The following SEC14L6 variants were observed in gnomAD, a reference collection of about 807,000 sequenced individuals.
SEC14L6 encodes the protein SEC14 like lipid binding 6, also known as SEC14-like protein 6.
Under a neutral mutation model 54.1 loss-of-function variants are expected in SEC14L6, and 40 were observed. The observed-to-expected ratio is 0.74, with a 90% CI of 0.57 to 0.96. The LOEUF is 0.96. Ranked by LOEUF, SEC14L6 falls within the 40% of genes least tolerant of loss-of-function variation. The probability of loss-of-function intolerance (pLI) is 0.00; values close to 1 mark genes in which losing one functional copy is unlikely to be tolerated. For synonymous variants in SEC14L6, 171 were observed against 198.4 expected (o/e 0.86, Z 1.16); for missense variants, 471 against 498.3 (o/e 0.95, Z 0.52).
Position 30,529,067 on chromosome 22 carries a change from G to T in SEC14L6, c.664+20C>A, listed in dbSNP as rs894521627. The T allele has an allele frequency of 2.6e-5, 40 of 1,539,360 alleles. No homozygotes were observed. Among genetic ancestry groups the T allele is most frequent in the Middle Eastern group, 1.7e-4 (1 of 5,996 alleles). Reference sequence around the variant, plus strand: ...GCTCAGGATCCAGGCTGGAAAAGAGGCCGCAGAGGGCTCACTCACCTCCGA... The same window carrying T: ...GCTCAGGATCCAGGCTGGAAAAGAGTCCGCAGAGGGCTCACTCACCTCCGA... On this transcript the variant is annotated intron_variant, in intron 8 of 11. Transcript: ENST00000402034.
intron 1 of SEC14L6, among the ~76,000 whole-genome samples, chr22:30,540,367 C>CTTTTTTTTTTTTTTTTTTT (rs753718105): frequency 8.8e-6 from 1 of 114,062 alleles, no homozygotes; most frequent in Non-Finnish European, 1.8e-5. Flanking sequence ...CTTTTTGTTC[C>CTTTTTTTTTTTTTTTTTTT]TTTTTTTTTT....
In SEC14L6 at chr22:30,525,882, C is replaced by T. The variant is rs556275669; in HGVS notation, c.715G>A (p.Val239Met). 7.4e-4 allele frequency: 1,194 copies of T among 1,613,640 alleles called. 2 individuals carry two copies. The highest frequency in any genetic ancestry group is 3.0e-3 in the Middle Eastern group (18 of 6,050). Residue 239 changes from valine (V) to methionine (M), a missense_variant, in exon 9 of 12, where the codon GTG becomes ATG. Val to Met is a conservative substitution (Grantham distance 21). Coordinates refer to ENST00000402034, the MANE Select transcript of SEC14L6 (RefSeq NM_001193336.4). Reference protein sequence around the residue: ...TKFISPDQLPVEFGGTMTDPD... With the variant: ...TKFISPDQLPMEFGGTMTDPD... ...TCAGTCATGGTCCCCCCAAACTCCA[C>T]GGGCAGCTGGTCGGGGCTGATGAAT...
chr22:30,530,398 C>CA (rs1348138574), intron 6 of SEC14L6, among the ~76,000 whole-genome samples: 2 of 152,052 alleles, frequency 1.3e-5, no homozygotes, highest in Non-Finnish European at 1.5e-5. Flanking sequence ...GACTCCGTCT[C>CA]AAAAAACAAA....
In SEC14L6 at chr22:30,543,010, C is replaced by T. The variant is rs1221431677; in HGVS notation, c.54+3619G>A. On this transcript the variant is annotated intron_variant, in intron 1 of 11. Coordinates refer to ENST00000402034, the MANE Select transcript of SEC14L6 (RefSeq NM_001193336.4). ...CACTGAGCTGTCTGTGCGTGCCAAA[C>T]CCTCTGCCCCCGTGGTATCGGGCCC... is the stretch of plus-strand genomic sequence containing the variant. 3 of 1,601,720 alleles carry T rather than the reference C, an allele frequency of 1.9e-6. No homozygotes were observed. The Admixed American group carries it at 5.0e-5, about 27-fold the overall frequency.
chr22:30,531,009 C>T (rs1442682173), intron 6 of SEC14L6, among the ~76,000 whole-genome samples: 1 of 152,158 alleles, frequency 6.6e-6, no homozygotes, highest in Non-Finnish European at 1.5e-5. Context: ...GGAATCGGGC[C>T]CTGTTGTGAC....
intron 1 of SEC14L6, among the ~76,000 whole-genome samples, chr22:30,545,015 A>G (rs1032112931): frequency 6.6e-6 from 1 of 151,592 alleles, no homozygotes; most frequent in African/African-American, 2.4e-5. Flanking sequence ...CCCACCCCGC[A>G]TACACCACCT....
At chr22:30,528,318 T>C (rs999025938) in intron 8 of SEC14L6, among the ~76,000 whole-genome samples, 12 of 151,652 alleles carry the variant, frequency 7.9e-5, no homozygotes, top group Admixed American at 2.0e-4. Flanking sequence ...AGACGGGGTT[T>C]CACCATATTG....
chr22:30,525,375 A>G lies in SEC14L6; in HGVS notation c.1056T>C (p.Ile352=), dbSNP rs572885219. The part of the protein sequence containing the change: ...YNAHMVPEDG[I]LTCLQAGSYV... ...AGCTGCCGGCCTGGAGGCAGGTGAG[A>G]ATCCCATCTTCAGGCACCATGTGGG... The change falls in exon 11 of 12, where the codon ATT becomes ATC. Residue 352 remains isoleucine, a synonymous_variant. Coordinates refer to ENST00000402034, the MANE Select transcript of SEC14L6 (RefSeq NM_001193336.4). The G allele has an allele frequency of 7.3e-5, 118 of 1,614,044 alleles. No individual in the cohort carries two copies. The highest frequency in any genetic ancestry group is 9.4e-5 in the Non-Finnish European group (111 of 1,180,020).
intron 2 of SEC14L6, among the ~76,000 whole-genome samples, chr22:30,535,393 T>A (rs2030084134): frequency 6.6e-6 from 1 of 152,132 alleles, no homozygotes; most frequent in Non-Finnish European, 1.5e-5. Context: ...TTTCACTTGG[T>A]CCCCAGGGCC....
chr22:30,541,346 C>T (rs1038717955), intron 1 of SEC14L6, among the ~76,000 whole-genome samples: 1 of 152,202 alleles, frequency 6.6e-6, no homozygotes, highest in East Asian at 1.9e-4. Flanking sequence ...TGTTTAATTG[C>T]TTTTCATCAA....
chr22:30,544,168 G>C (rs567903703), intron 1 of SEC14L6: 90 of 974,152 alleles, frequency 9.2e-5, no homozygotes, highest in Non-Finnish European at 1.2e-4. Flanking sequence ...AGCCAGCCCA[G>C]TTCCCGGAGG....
chr22:30,532,054 C>A, intron 5 of SEC14L6, 56 bp from the exon 6 acceptor site: 1 of 1,531,362 alleles, frequency 6.5e-7, no homozygotes, highest in Non-Finnish European at 8.8e-7. Context: ...CCCACCCATC[C>A]AAGATGGGGC....
intron 1 of SEC14L6, chr22:30,542,496 C>G: frequency 1.6e-6 from 1 of 639,830 alleles, no homozygotes; most frequent in South Asian, 2.6e-5. Context: ...CAAAGTGGAG[C>G]GGGGACCCGG....
chr22:30,527,154 A>G (rs1041702564), intron 8 of SEC14L6, among the ~76,000 whole-genome samples: 1 of 151,564 alleles, frequency 6.6e-6, no homozygotes, highest in African/African-American at 2.4e-5. Context: ...ATATACATAT[A>G]TATACACACA....
At position 30,546,503 on chromosome 22, in the gene SEC14L6, C is replaced by A. The variant is rs1439733412; in HGVS notation, c.54+126G>T. ...CTGGTGTAGCCTCTGGCTACCAAGC[C>A]CCTCAGGGTTGGGAAGAGACCCAGA... On this transcript the variant is annotated intron_variant, in intron 1 of 11. Transcript: ENST00000402034. 7.8e-6 allele frequency: 6 copies of A among 770,524 alleles called. No homozygotes were observed. The African/African-American group carries it at 8.8e-5, about 11-fold the overall frequency. 47.7% of individuals were successfully genotyped at this position (770,524 alleles called of 1,614,324 possible).
intron 8 of SEC14L6, among the ~76,000 whole-genome samples, chr22:30,527,062 C>T (rs928837180): frequency 3.3e-5 from 5 of 151,430 alleles, no homozygotes; most frequent in Admixed American, 6.6e-5. Flanking sequence ...CATGCCACTG[C>T]GCTGCAGCCT....
rs763375202 is a variant in SEC14L6, at chr22:30,532,870, G to C, written c.175-14C>G. 2 of 1,612,078 alleles carry C rather than the reference G, an allele frequency of 1.2e-6. No individual in the cohort carries two copies. Among genetic ancestry groups the C allele is most frequent in the South Asian group, 2.2e-5 (2 of 90,808 alleles). On this transcript the variant is annotated splice_polypyrimidine_tract_variant and intron_variant, in intron 3 of 11. Transcript: ENST00000402034. The stretch of plus-strand genomic sequence containing the variant: ...GAACTCCATATGCTGCAGAGACACG[G>C]CAGGAGGTGGTGAAGATTCTGCCTG...
At chr22:30,528,559 G>A (rs528594420) in intron 8 of SEC14L6, among the ~76,000 whole-genome samples, 60 of 151,592 alleles carry the variant, frequency 4.0e-4, no homozygotes, top group Middle Eastern at 3.4e-3. Context: ...GAGTAGCTGG[G>A]ACTATAGGTG....
Position 30,543,462 on chromosome 22 carries a change from G to T in SEC14L6, c.54+3167C>A. 1.9e-6 allele frequency: 3 copies of T among 1,612,104 alleles called. No homozygotes were observed. In the South Asian group the frequency reaches 3.3e-5, roughly 18 times the overall value. On this transcript the variant is annotated intron_variant, in intron 1 of 11. Coordinates refer to ENST00000402034, the MANE Select transcript of SEC14L6 (RefSeq NM_001193336.4). ...ACGGCAATGTGTCCCGGACAGAAAC[G>T]GCCTCAACTCTTACAGAGAACAAGG... is the stretch of plus-strand genomic sequence containing the variant.
Sources: gnomAD v4.1 joint callset for allele counts (sites outside exome capture counted in the v4.1 genomes callset) on GRCh38, gnomAD v4.1.1 for gene constraint, MANE v1.5 for transcripts, NCBI Gene and HGNC (gene_info 2026-07-23, HGNC 2026-07-21) for gene names.